Variants in TGFBR3 observed in about 807,000 individuals in gnomAD.
TGFBR3 encodes the protein transforming growth factor beta receptor type 3.
A neutral mutation model predicts 87.9 loss-of-function variants in TGFBR3; 46 were observed. The ratio of observed to expected loss-of-function variants is 0.52; its 90% confidence interval spans 0.41 to 0.67. The LOEUF is 0.67. TGFBR3 is among the 30% of genes least tolerant of loss of function. The pLI is 0.00. For synonymous variants in TGFBR3, 381 were observed against 391.6 expected (o/e 0.97, Z 0.32); for missense variants, 866 against 1,041.9 (o/e 0.83, Z 2.32).
intron 2 of TGFBR3, among the ~76,000 whole-genome samples, chr1:91,807,249 T>C (rs1219952003): frequency 6.6e-6 from 1 of 152,208 alleles, no homozygotes; most frequent in East Asian, 1.9e-4. Context: ...GGCTGAAGCT[T>C]ATCCCTAGTA....
intron 4 of TGFBR3, among the ~76,000 whole-genome samples, chr1:91,744,585 C>G (rs1673272386): frequency 6.6e-6 from 1 of 151,986 alleles, no homozygotes. Context: ...GTCAAGAAAA[C>G]ATCTCAAGCC....
intron 2 of TGFBR3, among the ~76,000 whole-genome samples, chr1:91,843,245 G>C (rs1464566808): frequency 1.3e-5 from 2 of 152,164 alleles, no homozygotes; most frequent in Non-Finnish European, 2.9e-5. Context: ...CTAACAGGTG[G>C]AGCAATTAGG....
At chr1:91,896,107 T>C (rs1679546477) in intron 2 of TGFBR3, among the ~76,000 whole-genome samples, 2 of 152,200 alleles carry the variant, frequency 1.3e-5, no homozygotes, top group Non-Finnish European at 1.5e-5. Flanking sequence ...GTACCATCTA[T>C]GTACAGGTCT....
intron 2 of TGFBR3, among the ~76,000 whole-genome samples, chr1:91,898,813 A>T (rs11466555): frequency 0.042 from 6,390 of 152,268 alleles, 155 homozygotes; most frequent in Non-Finnish European, 0.06. Flanking sequence ...ATCGTGGCTC[A>T]TGCCTGTAAT....
At chr1:91,736,408 G>A (rs1004655021) in intron 4 of TGFBR3, among the ~76,000 whole-genome samples, 2 of 143,686 alleles carry the variant, frequency 1.4e-5, no homozygotes, top group Admixed American at 7.3e-5. Flanking sequence ...TAATAAACTC[G>A]GTGTAAACCA....
intron 2 of TGFBR3, among the ~76,000 whole-genome samples, chr1:91,894,144 C>T (rs1679505287): frequency 6.6e-6 from 1 of 152,078 alleles, no homozygotes; most frequent in African/African-American, 2.4e-5. Context: ...CTTTGTCTTC[C>T]CACCACATCT....
chr1:91,725,141 CTCCAATGTTCCCA>C (rs1485273837), intron 7 of TGFBR3, among the ~76,000 whole-genome samples: 1 of 152,140 alleles, frequency 6.6e-6, no homozygotes, highest in Non-Finnish European at 1.5e-5. Context: ...ATGTAGACAC[CTCCAATGTTCCCA>C]TTCTTGCCCA....
chr1:91,717,142 G>T (rs12735851), intron 10 of TGFBR3, among the ~76,000 whole-genome samples: 10,737 of 152,128 alleles, frequency 0.071, 407 homozygotes, highest in Non-Finnish European at 0.088. Context: ...AATACAAGAA[G>T]CTTTGGTTAT....
chr1:91,875,943 A>T (rs1171787258), intron 1 of TGFBR3, among the ~76,000 whole-genome samples: 1 of 151,762 alleles, frequency 6.6e-6, no homozygotes, highest in Non-Finnish European at 1.5e-5. Context: ...AGAAAAAGAA[A>T]CAAAATGGAA....
chr1:91,846,030 C>T (rs1283812631), intron 2 of TGFBR3, among the ~76,000 whole-genome samples: 1 of 152,206 alleles, frequency 6.6e-6, no homozygotes, highest in East Asian at 1.9e-4. Context: ...AAGATGGTCT[C>T]TGGGCTCTCT....
intron 7 of TGFBR3, among the ~76,000 whole-genome samples, chr1:91,722,476 G>A (rs1672404308): frequency 7.5e-6 from 1 of 133,812 alleles, no homozygotes. Context: ...AACACACACA[G>A]TACATATGTA....
intron 16 of TGFBR3, among the ~76,000 whole-genome samples, chr1:91,685,315 C>CTTTTTTTTTTTTTTTTTTTTTTTTT (rs71585124): frequency 9.9e-6 from 1 of 100,668 alleles, no homozygotes; most frequent in Non-Finnish European, 1.9e-5. Context: ...GAAGCACTGC[C>CTTTTTTTTTTTTTTTTTTTTTTTTT]TTTTTTTTTT....
intron 2 of TGFBR3, among the ~76,000 whole-genome samples, chr1:91,808,219 GA>G (rs1675907044): frequency 6.6e-6 from 1 of 152,166 alleles, no homozygotes; most frequent in Non-Finnish European, 1.5e-5. Context: ...TTGAGGCCAG[GA>G]CTTCAAGACC....
chr1:91,897,953 C>G (rs184310947), intron 2 of TGFBR3, among the ~76,000 whole-genome samples: 326 of 151,690 alleles, frequency 2.1e-3, no homozygotes, highest in African/African-American at 7.0e-3. Context: ...TTTGGGAGCC[C>G]GAGGCAGGAA....
At chr1:91,760,894 A>G (rs1319890678) in intron 3 of TGFBR3, among the ~76,000 whole-genome samples, 1 of 152,216 alleles carries the variant, frequency 6.6e-6, no homozygotes, top group East Asian at 1.9e-4. Context: ...AGACACACAC[A>G]CACTATGGAG....
At chr1:91,813,212 T>C (rs1419707603) in intron 2 of TGFBR3, among the ~76,000 whole-genome samples, 1 of 152,170 alleles carries the variant, frequency 6.6e-6, no homozygotes, top group African/African-American at 2.4e-5. Context: ...GTGACAATAT[T>C]AGGGACACTG....
At chr1:91,850,516 C>T (rs1040734710) in intron 2 of TGFBR3, among the ~76,000 whole-genome samples, 1 of 152,180 alleles carries the variant, frequency 6.6e-6, no homozygotes, top group African/African-American at 2.4e-5. Flanking sequence ...CGTGGTGGCT[C>T]ACGCCTGTAA....
At chr1:91,782,990 G>A (rs1248417953) in intron 3 of TGFBR3, among the ~76,000 whole-genome samples, 2 of 152,180 alleles carry the variant, frequency 1.3e-5, no homozygotes, top group Admixed American at 1.3e-4. Flanking sequence ...CGACTTGCTG[G>A]AGCAAATTCA....
At chr1:91,871,461 T>C (rs1678579289) in intron 1 of TGFBR3, among the ~76,000 whole-genome samples, 1 of 152,134 alleles carries the variant, frequency 6.6e-6, no homozygotes. Flanking sequence ...TGTTTTCACA[T>C]AGGTTACCTT....
Sources: gnomAD v4.1 joint callset for allele counts (sites outside exome capture counted in the v4.1 genomes callset) on GRCh38, gnomAD v4.1.1 for gene constraint, MANE v1.5 for transcripts, NCBI Gene and HGNC (gene_info 2026-07-23, HGNC 2026-07-21) for gene names.